TMEM132B: variants seen among roughly 807,000 people sequenced by gnomAD.
TMEM132B encodes the protein transmembrane protein 132B.
Under a neutral mutation model 90.8 loss-of-function variants are expected in TMEM132B, and 18 were observed. The observed-to-expected ratio is 0.20, with a 90% CI of 0.14 to 0.29. The LOEUF is 0.29. Ranked by LOEUF, TMEM132B falls within the 10% of genes least tolerant of loss-of-function variation. TMEM132B has a pLI of 1.00. For synonymous variants in TMEM132B, 504 were observed against 523.3 expected (o/e 0.96, Z 0.50); for missense variants, 1,096 against 1,326.8 (o/e 0.83, Z 2.70).
At chr12:125,429,192 A>C (rs1880423182) in intron 3 of TMEM132B, among the ~76,000 whole-genome samples, 1 of 150,126 alleles carries the variant, frequency 6.7e-6, no homozygotes. Context: ...ATTTTTTCCT[A>C]GTGTCCTCTT....
At chr12:125,582,436 A>G (rs921681928) in intron 4 of TMEM132B, among the ~76,000 whole-genome samples, 34 of 152,284 alleles carry the variant, frequency 2.2e-4, no homozygotes, top group African/African-American at 7.2e-4. Flanking sequence ...TGTGAAAGCA[A>G]TACTCAAGTA....
At chr12:125,317,346 A>T (rs80040513) in intron 1 of TMEM132B, among the ~76,000 whole-genome samples, 2,825 of 152,220 alleles carry the variant, frequency 0.019, 91 homozygotes, top group African/African-American at 0.065. Flanking sequence ...CTGCAGGTGC[A>T]TCTGTGTAAA....
intron 5 of TMEM132B, among the ~76,000 whole-genome samples, chr12:125,615,393 A>G (rs907207527): frequency 4.0e-5 from 6 of 151,388 alleles, no homozygotes; most frequent in African/African-American, 1.5e-4. Context: ...AGCTCTGTTC[A>G]CTTGTATTGA....
At position 125,492,953 on chromosome 12, in the gene TMEM132B, T is replaced by A. The variant is rs2136563445; in HGVS notation, c.1107-26486T>A. Among the ~76,000 whole-genome samples the A allele has an allele frequency of 6.6e-6, 1 of 152,274 alleles. No homozygotes were observed. Among genetic ancestry groups the A allele is most frequent in the Non-Finnish European group, 1.5e-5 (1 of 68,022 alleles). On this transcript the variant is annotated intron_variant, in intron 3 of 8. Coordinates refer to ENST00000682704, the MANE Select transcript of TMEM132B (RefSeq NM_001366854.1). The surrounding 1 kb of genome is among the most constrained non-coding windows in gnomAD (Gnocchi z 5.8). ...GACGAATGGCAAAGAGCCTTGTGAA[T>A]GAGAAATACCAGGCACTCTGAGAAA...
At chr12:125,281,044 A>G (rs947848936) in intron 1 of TMEM132B, among the ~76,000 whole-genome samples, 1 of 152,214 alleles carries the variant, frequency 6.6e-6, no homozygotes, top group Non-Finnish European at 1.5e-5. Flanking sequence ...TTACCACACA[A>G]TGAACCCTAA....
chr12:125,382,218 C>T (rs1878707386), intron 2 of TMEM132B, among the ~76,000 whole-genome samples: 1 of 152,194 alleles, frequency 6.6e-6, no homozygotes, highest in Non-Finnish European at 1.5e-5. Flanking sequence ...CACCCAGTAT[C>T]TCCAGGCTCC....
At chr12:125,293,863 A>G (rs1046918873) in intron 1 of TMEM132B, among the ~76,000 whole-genome samples, 1 of 152,158 alleles carries the variant, frequency 6.6e-6, no homozygotes, top group African/African-American at 2.4e-5. Flanking sequence ...GCTCTGAACT[A>G]TGGAGTGGCA....
chr12:125,294,253 G>A (rs898985496), intron 1 of TMEM132B, among the ~76,000 whole-genome samples: 2 of 152,190 alleles, frequency 1.3e-5, no homozygotes, highest in African/African-American at 4.8e-5. Context: ...ACTACATTTG[G>A]GGTGGTGTGT....
chr12:125,318,722 C>T (rs1027078291), intron 1 of TMEM132B, among the ~76,000 whole-genome samples: 3 of 152,122 alleles, frequency 2.0e-5, no homozygotes, highest in Admixed American at 2.0e-4. Flanking sequence ...GCATAATATT[C>T]CATGGTGTGT....
chr12:125,553,602 T>G (rs1032662691), intron 4 of TMEM132B, among the ~76,000 whole-genome samples: 2 of 152,204 alleles, frequency 1.3e-5, no homozygotes, highest in African/African-American at 4.8e-5. Context: ...CTGAGTGTAG[T>G]GAAGACTCAT....
At chr12:125,451,447 C>T (rs965355346) in intron 3 of TMEM132B, among the ~76,000 whole-genome samples, 10 of 152,016 alleles carry the variant, frequency 6.6e-5, no homozygotes, top group Admixed American at 5.9e-4. Flanking sequence ...AATAAGAAAA[C>T]AACAATGAAA....
chr12:125,261,317 A>G (rs1874563111), intron 1 of TMEM132B, among the ~76,000 whole-genome samples: 1 of 152,202 alleles, frequency 6.6e-6, no homozygotes. Flanking sequence ...GAGTCTCCTC[A>G]GAGGTCACTT....
At chr12:125,515,094 G>A (rs958093488) in intron 3 of TMEM132B, among the ~76,000 whole-genome samples, 2 of 152,148 alleles carry the variant, frequency 1.3e-5, no homozygotes, top group Non-Finnish European at 2.9e-5. Context: ...GCCAAGCAGT[G>A]TCGCCACTCC....
At chr12:125,389,394 T>C (rs1315396495) in intron 2 of TMEM132B, among the ~76,000 whole-genome samples, 1 of 149,400 alleles carries the variant, frequency 6.7e-6, no homozygotes, top group Non-Finnish European at 1.5e-5. Flanking sequence ...TCCTTTGCTT[T>C]TCTCCCTTCC....
chr12:125,440,873 G>A (rs1265544527), intron 3 of TMEM132B, among the ~76,000 whole-genome samples: 1 of 152,200 alleles, frequency 6.6e-6, no homozygotes, highest in Non-Finnish European at 1.5e-5. Context: ...AACTGCTAGA[G>A]CTGACTGTGG....
At chr12:125,291,970 C>G (rs1409029439) in intron 1 of TMEM132B, among the ~76,000 whole-genome samples, 1 of 152,142 alleles carries the variant, frequency 6.6e-6, no homozygotes, top group African/African-American at 2.4e-5. Flanking sequence ...CCATAAATAG[C>G]AACAGATAAT....
chr12:125,616,834 C>G (rs1885999396), intron 5 of TMEM132B, among the ~76,000 whole-genome samples: 1 of 152,104 alleles, frequency 6.6e-6, no homozygotes, highest in South Asian at 2.1e-4. Flanking sequence ...GAGGATGGGA[C>G]TCTGTGATGG....
At chr12:125,555,531 G>A (rs1226758579) in intron 4 of TMEM132B, among the ~76,000 whole-genome samples, 1 of 135,336 alleles carries the variant, frequency 7.4e-6, no homozygotes, top group African/African-American at 2.8e-5. Context: ...GTTAAGTGCA[G>A]GAATAATACC....
intron 3 of TMEM132B, among the ~76,000 whole-genome samples, chr12:125,477,083 G>A (rs1881901935): frequency 6.6e-6 from 1 of 152,080 alleles, no homozygotes; most frequent in Non-Finnish European, 1.5e-5. Flanking sequence ...AAACATTACT[G>A]CAATTCTGAT....
Sources: allele counts gnomAD v4.1 joint callset (sites outside exome capture counted in the v4.1 genomes callset), GRCh38; gene constraint gnomAD v4.1.1; non-coding constraint Gnocchi (gnomAD v3.1); transcripts MANE v1.5; gene names NCBI Gene and HGNC (gene_info 2026-07-23, HGNC 2026-07-21).